The following GALNT11 variants were observed in gnomAD, a reference collection of about 807,000 sequenced individuals.
GALNT11 encodes UDP-GalNAc:polypeptide N-acetylgalactosaminyltransferase 11.
Under a neutral mutation model 72.7 loss-of-function variants are expected in GALNT11, and 47 were observed. The observed-to-expected ratio is 0.65, with a 90% CI of 0.51 to 0.82. The LOEUF (loss-of-function observed/expected upper bound fraction) is 0.82. GALNT11 is among the 40% of genes least tolerant of loss of function. The pLI, the probability that GALNT11 is intolerant of heterozygous loss-of-function variation, is 0.00. For synonymous variants in GALNT11, 270 were observed against 286.6 expected (o/e 0.94, Z 0.58); for missense variants, 677 against 778.4 (o/e 0.87, Z 1.55).
chr7:152,117,920 G>A (rs990000877), intron 9 of GALNT11: 4 of 153,348 alleles, frequency 2.6e-5, no homozygotes. Flanking sequence ...TTAAATTGTA[G>A]GGGTCCGGCC....
At chr7:152,064,370 C>T in intron 1 of GALNT11, among the ~76,000 whole-genome samples, 1 of 152,162 alleles carries the variant, frequency 6.6e-6, no homozygotes, top group Non-Finnish European at 1.5e-5. Flanking sequence ...AGATGGGTCT[C>T]CTGAATATAG....
chr7:152,066,599 GT>G (rs1361986108), intron 1 of GALNT11, among the ~76,000 whole-genome samples: 1 of 152,190 alleles, frequency 6.6e-6, no homozygotes, highest in Non-Finnish European at 1.5e-5. Flanking sequence ...ATCACTTGTA[GT>G]TTTTTATTTA....
intron 7 of GALNT11, among the ~76,000 whole-genome samples, chr7:152,111,223 G>A (rs944728913): frequency 5.9e-5 from 9 of 152,106 alleles, no homozygotes; most frequent in African/African-American, 1.9e-4. Context: ...GAATACAGTG[G>A]CTCACTGCAG....
chr7:152,036,924 A>G (rs1157748006), intron 1 of GALNT11, among the ~76,000 whole-genome samples: 1 of 152,126 alleles, frequency 6.6e-6, no homozygotes, highest in Non-Finnish European at 1.5e-5. Flanking sequence ...TCATTTTTTA[A>G]TAGGATTATT....
chr7:152,103,824 TTTG>T, intron 4 of GALNT11: 1 of 154,332 alleles, frequency 6.5e-6, no homozygotes, highest in Non-Finnish European at 1.4e-5. Context: ...CATCTCTGAT[TTTG>T]TTATTTCAAG....
chr7:152,048,183 C>G (rs2083234327), intron 1 of GALNT11, among the ~76,000 whole-genome samples: 1 of 151,918 alleles, frequency 6.6e-6, no homozygotes, highest in Non-Finnish European at 1.5e-5. Flanking sequence ...ATATAGTATT[C>G]TAAGATAAAA....
intron 1 of GALNT11, among the ~76,000 whole-genome samples, chr7:152,042,985 A>G (rs1035054918): frequency 1.3e-5 from 2 of 152,182 alleles, no homozygotes; most frequent in African/African-American, 2.4e-5. Context: ...CTTTCCCTGA[A>G]TAGTTATTTC....
intron 1 of GALNT11, among the ~76,000 whole-genome samples, chr7:152,054,108 G>A (rs1414849403): frequency 6.6e-6 from 1 of 151,864 alleles, no homozygotes; most frequent in Non-Finnish European, 1.5e-5. Flanking sequence ...TGACTCATTT[G>A]CTATAGATAT....
intron 8 of GALNT11, among the ~76,000 whole-genome samples, chr7:152,114,948 C>T (rs2088682727): frequency 6.6e-6 from 1 of 152,198 alleles, no homozygotes; most frequent in South Asian, 2.1e-4. Flanking sequence ...ATTTTTCACA[C>T]CGTGAGGGAA....
chr7:152,102,344 C>T (rs955632942), intron 3 of GALNT11, among the ~76,000 whole-genome samples: 3 of 151,778 alleles, frequency 2.0e-5, no homozygotes, highest in African/African-American at 7.3e-5. Flanking sequence ...GAGATCGAGA[C>T]CATCCTGGCC....
At chr7:152,044,420 G>A (rs2083019850) in intron 1 of GALNT11, among the ~76,000 whole-genome samples, 1 of 152,162 alleles carries the variant, frequency 6.6e-6, no homozygotes, top group African/African-American at 2.4e-5. Context: ...TAAACCGACA[G>A]CCTTCCAGCA....
At chr7:152,039,238 T>C (rs2082730256) in intron 1 of GALNT11, among the ~76,000 whole-genome samples, 2 of 152,242 alleles carry the variant, frequency 1.3e-5, no homozygotes, top group African/African-American at 4.8e-5. Context: ...TGTTCTGCAA[T>C]GCAATTTTCC....
rs898628923 is a variant in GALNT11 at position 152,040,994 on chromosome 7, T to A, written c.-39+15110T>A. On this transcript the variant is annotated intron_variant, in intron 1 of 11. Coordinates refer to ENST00000430044, the MANE Select transcript of GALNT11 (RefSeq NM_022087.4). The stretch of plus-strand genomic sequence containing the variant: ...TCCGCCATCTGTGGCAGCTTCTCGA[T>A]CTGTCCCCAGGTGGGTGGCTGTGTT... Among the ~76,000 whole-genome samples the A allele has an allele frequency of 4.6e-5, 7 of 152,208 alleles. 1 individual carries two copies. The highest frequency in any genetic ancestry group is 3.9e-4 in the Admixed American group (6 of 15,280).
chr7:152,058,956 C>A (rs183786333), intron 1 of GALNT11, among the ~76,000 whole-genome samples: 1 of 151,888 alleles, frequency 6.6e-6, no homozygotes, highest in Non-Finnish European at 1.5e-5. Flanking sequence ...CAGTGACGTA[C>A]TCCACTGAAG....
intron 7 of GALNT11, among the ~76,000 whole-genome samples, 160 bp downstream of exon 7, chr7:152,110,805 A>G (rs958441501): frequency 1.3e-5 from 2 of 150,570 alleles, no homozygotes; most frequent in African/African-American, 4.9e-5. Flanking sequence ...GTCATGGCTC[A>G]CTGCAGCCTT....
chr7:152,064,825 G>T (rs910051595), intron 1 of GALNT11, among the ~76,000 whole-genome samples: 16 of 152,244 alleles, frequency 1.1e-4, no homozygotes, highest in Non-Finnish European at 1.8e-4. Context: ...GAGATCCGCT[G>T]TTAGTCTGAT....
intron 1 of GALNT11, among the ~76,000 whole-genome samples, chr7:152,069,642 C>T (rs923545144): frequency 8.5e-5 from 13 of 152,318 alleles, no homozygotes; most frequent in Non-Finnish European, 1.9e-4. Flanking sequence ...GGAGAACCGA[C>T]CTCTTTATCA....
rs144002729 is a variant in GALNT11 at position 152,116,385 on chromosome 7, C to T, written c.1234-772C>T. Among the ~76,000 whole-genome samples the T allele has an allele frequency of 5.9e-3, 891 of 152,150 alleles. 8 individuals carry two copies. The highest frequency in any genetic ancestry group is 0.01 in the Middle Eastern group (3 of 292). On this transcript the variant is annotated intron_variant, in intron 8 of 11. Transcript: ENST00000430044. Reference sequence around the variant, plus strand: ...GCAGCCTCGGCCCCCAAGGAGCATGCGCCACCACTCCCAACTAATTTTTGT... The same window carrying T: ...GCAGCCTCGGCCCCCAAGGAGCATGTGCCACCACTCCCAACTAATTTTTGT...
chr7:152,077,839 A>G (rs891057979), intron 1 of GALNT11, among the ~76,000 whole-genome samples: 2 of 152,164 alleles, frequency 1.3e-5, no homozygotes, highest in Non-Finnish European at 2.9e-5. Flanking sequence ...CTTTGCAGAC[A>G]GTGGAATTAC....
Sources: gnomAD v4.1 joint callset for allele counts (sites outside exome capture counted in the v4.1 genomes callset) on GRCh38, gnomAD v4.1.1 for gene constraint, MANE v1.5 for transcripts, NCBI Gene and HGNC (gene_info 2026-07-23, HGNC 2026-07-21) for gene names.